AGAP3: variants seen among roughly 807,000 people sequenced by gnomAD.
The protein encoded by AGAP3 is arf-GAP with GTPase, ANK repeat and PH domain-containing protein 3.
Under a neutral mutation model 96.9 loss-of-function variants are expected in AGAP3, and 24 were observed. That is an observed-to-expected ratio of 0.25 (90% CI 0.18 to 0.35). The LOEUF (loss-of-function observed/expected upper bound fraction) is 0.35, where lower values mean the gene tolerates loss of function less well. AGAP3 is among the 10% of genes least tolerant of loss of function. The probability of loss-of-function intolerance (pLI) is 1.00; values close to 1 mark genes in which losing one functional copy is unlikely to be tolerated. For synonymous variants in AGAP3, 563 were observed against 536.1 expected (o/e 1.05, Z -0.69); for missense variants, 876 against 1,254.2 (o/e 0.70, Z 4.55).
chr7:151,091,576 G>A lies in AGAP3; in HGVS notation c.331+4504G>A, dbSNP rs748119804. Among the ~76,000 whole-genome samples the A allele has an allele frequency of 6.4e-4, 97 of 152,212 alleles. 6 individuals carry two copies. Among genetic ancestry groups the A allele is most frequent in the Non-Finnish European group, 1.5e-5 (1 of 68,028 alleles). ...CTCAGCCTGTAGGAGGTGCCAGAGA[G>A]GCACTGGGAGTCCAGAAGGAGACCT... is the stretch of plus-strand genomic sequence containing the variant. On this transcript the variant is annotated intron_variant, in intron 1 of 17. Transcript: ENST00000397238.
At chr7:151,138,850 G>A (rs542895977) in intron 12 of AGAP3, among the ~76,000 whole-genome samples, 141 of 152,276 alleles carry the variant, frequency 9.3e-4, no homozygotes, top group Non-Finnish European at 1.7e-3. Flanking sequence ...CTGAAAGGTC[G>A]TTTTCCACCT....
Position 151,142,759 on chromosome 7 carries a change from C to A in AGAP3, c.2273+125C>A. On this transcript the variant is annotated intron_variant, in intron 16 of 17. Coordinates refer to ENST00000397238, the MANE Select transcript of AGAP3 (RefSeq NM_031946.7). This position sits in a 1 kb window ranked among gnomAD's most constrained non-coding sequence, Gnocchi z 7.5. ...TAAAACTGTCTGTTGCTCTGCTTGGCAGTTGGCCCCTTGGGGGTGCCCCTC... is the reference window on the plus strand; with the variant it reads ...TAAAACTGTCTGTTGCTCTGCTTGGAAGTTGGCCCCTTGGGGGTGCCCCTC... 9.2e-7 allele frequency: 1 copy of A among 1,081,422 alleles called. No homozygotes were observed. Among genetic ancestry groups the A allele is most frequent in the Non-Finnish European group, 1.3e-6 (1 of 763,288 alleles). 67.0% of individuals were successfully genotyped at this position (1,081,422 alleles called of 1,614,324 possible).
chr7:151,132,165 G>T (rs891118307), intron 10 of AGAP3, among the ~76,000 whole-genome samples: 1 of 152,226 alleles, frequency 6.6e-6, no homozygotes, highest in South Asian at 2.1e-4. Context: ...GAGGTACGCT[G>T]GGATGGCAGG....
rs536528369 is a variant in AGAP3 at position 151,144,062 on chromosome 7, G to A, written c.*119G>A. On this transcript the variant is annotated 3_prime_UTR_variant, in exon 18 of 18. Transcript: ENST00000397238. ...AGCAGGGACATGCTGAGAGGACGAAGCCAAGGAAATTAGGGAGGAGAGTCA... is the reference window on the plus strand; with the variant it reads ...AGCAGGGACATGCTGAGAGGACGAAACCAAGGAAATTAGGGAGGAGAGTCA... The A allele has an allele frequency of 4.4e-6, 5 of 1,124,846 alleles. No individual in the cohort carries two copies. The South Asian group carries it at 4.6e-5, about 10-fold the overall frequency. 69.7% of individuals were successfully genotyped at this position (1,124,846 alleles called of 1,614,324 possible). A position where few individuals can be genotyped will look rare whatever the true frequency, so the allele number is the denominator to read the frequency against.
chr7:151,135,409 G>A (rs1157220446), intron 11 of AGAP3, among the ~76,000 whole-genome samples: 1 of 152,218 alleles, frequency 6.6e-6, no homozygotes, highest in Non-Finnish European at 1.5e-5. Context: ...CTCCCTAGAG[G>A]GCCTGTGCTT....
intron 10 of AGAP3, among the ~76,000 whole-genome samples, chr7:151,129,507 T>C (rs1800317671): frequency 6.6e-6 from 1 of 152,024 alleles, no homozygotes; most frequent in African/African-American, 2.4e-5. Flanking sequence ...GGCCTGGCCC[T>C]CCTGGGCTTC....
Position 151,143,242 on chromosome 7 carries a change from T to C in AGAP3, c.2274-99T>C, listed in dbSNP as rs1254898870. On this transcript the variant is annotated intron_variant, in intron 16 of 17. Transcript: ENST00000397238. The surrounding 1 kb of genome is among the most constrained non-coding windows in gnomAD (Gnocchi z 5.9). ...TCTTCTCTCACTGTTTCTTCCTTGT[T>C]CCCCCGGGTGCTCGCTTCCTTTCCT... 3 of 1,421,674 alleles carry C rather than the reference T, an allele frequency of 2.1e-6. No individual in the cohort carries two copies. The African/African-American group carries it at 4.3e-5, about 20-fold the overall frequency. The allele number at this position is 1,421,674 out of a possible 1,614,324, so 88.1% of individuals were successfully genotyped here.
intron 1 of AGAP3, chr7:151,115,577 G>T: frequency 8.7e-7 from 1 of 1,149,056 alleles, no homozygotes; most frequent in Non-Finnish European, 1.1e-6. Flanking sequence ...GGGAGCCCGC[G>T]CCCGCCGCGC....
intron 7 of AGAP3, chr7:151,119,110 G>C (rs1799739929): frequency 1.0e-5 from 2 of 192,296 alleles, no homozygotes; most frequent in South Asian, 2.2e-4. Context: ...GGAAAAAGGA[G>C]GAGGAGGGCT....
Position 151,144,187 on chromosome 7 carries a change from G to A in AGAP3, c.*244G>A, listed in dbSNP as rs899004012. The A allele has an allele frequency of 2.0e-5, 11 of 539,574 alleles. No homozygotes were observed. Among genetic ancestry groups the A allele is most frequent in the East Asian group, 6.2e-5 (2 of 32,034 alleles). 33.4% of individuals were successfully genotyped at this position (539,574 alleles called of 1,614,324 possible). A position where few individuals can be genotyped will look rare whatever the true frequency, so the allele number is the denominator to read the frequency against. Reference sequence around the variant, plus strand: ...CCATTGAAAAGGGACAGGACCCTTCGGAGGTGCCTGTGAGGAGAGGGGAGC... The same window carrying A: ...CCATTGAAAAGGGACAGGACCCTTCAGAGGTGCCTGTGAGGAGAGGGGAGC... On this transcript the variant is annotated 3_prime_UTR_variant, in exon 18 of 18. Transcript: ENST00000397238.
chr7:151,129,477 C>T (rs188492659), intron 10 of AGAP3, among the ~76,000 whole-genome samples: 6 of 152,220 alleles, frequency 3.9e-5, no homozygotes, highest in East Asian at 1.9e-4. Context: ...GACAGCCCTG[C>T]GGAGAAAACT....
rs1037637523 is a variant in AGAP3 at position 151,114,357 on chromosome 7, C to G, written c.332-2436C>G. Among the ~76,000 whole-genome samples the G allele has an allele frequency of 6.6e-6, 1 of 152,214 alleles. No individual in the cohort carries two copies. The highest frequency in any genetic ancestry group is 1.5e-5 in the Non-Finnish European group (1 of 68,042). On this transcript the variant is annotated intron_variant, in intron 1 of 17. Coordinates refer to ENST00000397238, the MANE Select transcript of AGAP3 (RefSeq NM_031946.7). The surrounding 1 kb of genome is among the most constrained non-coding windows in gnomAD (Gnocchi z 4.4). ...TTCCTTTGAAGAATGAGAAATGGCC[C>G]GCTTTTCTCCAAAATGGGGCCCAGT...
In AGAP3 at chr7:151,142,548, C is replaced by G; in HGVS notation, c.2187C>G (p.Val729=). ...ACTGGCCGCCTGAGCTGCTGGCTGT[C>G]ATGACTGCCATGGGCAATGCCCTCG... The part of the protein sequence containing the change: ...LDDWPPELLA[V]MTAMGNALAN... Residue 729 remains valine, a synonymous_variant, in exon 16 of 18, where the codon GTC becomes GTG. Coordinates refer to ENST00000397238, the MANE Select transcript of AGAP3 (RefSeq NM_031946.7). The surrounding 1 kb of genome is among the most constrained non-coding windows in gnomAD (Gnocchi z 7.5). 1 of 1,613,742 alleles carries G rather than the reference C, an allele frequency of 6.2e-7. No individual in the cohort carries two copies. Among genetic ancestry groups the G allele is most frequent in the Non-Finnish European group, 8.5e-7 (1 of 1,180,044 alleles).
intron 10 of AGAP3, among the ~76,000 whole-genome samples, chr7:151,129,559 C>G (rs1211997312): frequency 1.3e-5 from 2 of 152,226 alleles, no homozygotes; most frequent in African/African-American, 4.8e-5. Context: ...TCCCCCTCAG[C>G]TCAGGGGACA....
chr7:151,118,037 C>T lies in AGAP3; in HGVS notation c.707-173C>T. 4.2e-6 allele frequency: 4 copies of T among 955,494 alleles called. No individual in the cohort carries two copies. 59.2% of individuals were successfully genotyped at this position (955,494 alleles called of 1,614,324 possible). A position where few individuals can be genotyped will look rare whatever the true frequency, so the allele number is the denominator to read the frequency against. ...GAGCTTAAGTGCTTGCTGGTTTGCACTCAGTGAGGCCATGGAAGGGTTGAA... is the reference window on the plus strand; with the variant it reads ...GAGCTTAAGTGCTTGCTGGTTTGCATTCAGTGAGGCCATGGAAGGGTTGAA... On this transcript the variant is annotated intron_variant, in intron 5 of 17. Transcript: ENST00000397238. This position sits in a 1 kb window ranked among gnomAD's most constrained non-coding sequence, Gnocchi z 6.1.
chr7:151,098,010 C>T (rs1798680242), intron 1 of AGAP3, among the ~76,000 whole-genome samples: 1 of 152,198 alleles, frequency 6.6e-6, no homozygotes, highest in African/African-American at 2.4e-5. Flanking sequence ...GCCCCCTGGC[C>T]ATACCAGGCC....
chr7:151,109,449 G>A (rs142733087), intron 1 of AGAP3, among the ~76,000 whole-genome samples: 59 of 152,282 alleles, frequency 3.9e-4, no homozygotes, highest in South Asian at 1.2e-3. Context: ...GGAGAGATCC[G>A]CCCCACACCT....
chr7:151,104,004 G>T (rs977744386), intron 1 of AGAP3, among the ~76,000 whole-genome samples: 3 of 152,224 alleles, frequency 2.0e-5, no homozygotes, highest in South Asian at 2.1e-4. Context: ...TAGTGCCGTG[G>T]CGGGGGCGTG....
rs1381734486 is a variant in AGAP3 at position 151,142,275 on chromosome 7, C to G, written c.2050+22C>G. ...CCCAGTGAGTGCAAGGCTGGTGGGGCTGGGAGCTGGGGATGGCCCAGGGAA... is the reference window on the plus strand; with the variant it reads ...CCCAGTGAGTGCAAGGCTGGTGGGGGTGGGAGCTGGGGATGGCCCAGGGAA... On this transcript the variant is annotated intron_variant, in intron 15 of 17. Coordinates refer to ENST00000397238, the MANE Select transcript of AGAP3 (RefSeq NM_031946.7). The surrounding 1 kb of genome is among the most constrained non-coding windows in gnomAD (Gnocchi z 7.5). 3.7e-6 allele frequency: 6 copies of G among 1,610,224 alleles called. No individual in the cohort carries two copies. Among genetic ancestry groups the G allele is most frequent in the Non-Finnish European group, 5.1e-6 (6 of 1,178,546 alleles).
Sources: allele counts gnomAD v4.1 joint callset (sites outside exome capture counted in the v4.1 genomes callset), GRCh38; gene constraint gnomAD v4.1.1; non-coding constraint Gnocchi (gnomAD v3.1); transcripts MANE v1.5; gene names NCBI Gene and HGNC (gene_info 2026-07-23, HGNC 2026-07-21).